CSNK1G3: variants seen among roughly 807,000 people sequenced by gnomAD.
CSNK1G3 encodes the protein casein kinase 1 gamma 3.
In CSNK1G3, 23 loss-of-function variants were observed where a neutral mutation model predicts 64.3. That is an observed-to-expected ratio of 0.36 (90% confidence interval 0.26 to 0.51). The LOEUF is 0.51. Ranked by LOEUF, CSNK1G3 falls within the 20% of genes least tolerant of loss-of-function variation. The probability of loss-of-function intolerance (pLI) is 0.96; values close to 1 mark genes in which losing one functional copy is unlikely to be tolerated. For synonymous variants in CSNK1G3, 158 were observed against 162.2 expected, an observed-to-expected ratio of 0.97 and a Z score of 0.20; for missense variants, 357 against 510.5, an observed-to-expected ratio of 0.70 and a Z score of 2.90.
At chr5:123,523,059 A>G (rs1455848702) in intron 1 of CSNK1G3, among the ~76,000 whole-genome samples, 1 of 152,172 alleles carries the variant, frequency 6.6e-6, no homozygotes, top group Non-Finnish European at 1.5e-5. Flanking sequence ...GGTTATATTT[A>G]TCATATTTAC....
chr5:123,609,323 C>T (rs994219752), intron 12 of CSNK1G3, among the ~76,000 whole-genome samples: 4 of 152,070 alleles, frequency 2.6e-5, no homozygotes, highest in Non-Finnish European at 5.9e-5. Flanking sequence ...TCCTGGGGTT[C>T]AGCAGATTGC....
chr5:123,516,822 G>GT (rs559206308), intron 1 of CSNK1G3, among the ~76,000 whole-genome samples: 12 of 151,802 alleles, frequency 7.9e-5, no homozygotes, highest in African/African-American at 7.2e-5. Flanking sequence ...AAAGTTTAAT[G>GT]TTTTTTTTCT....
At chr5:123,570,950 G>A (rs940554743) in intron 4 of CSNK1G3, among the ~76,000 whole-genome samples, 3 of 152,196 alleles carry the variant, frequency 2.0e-5, no homozygotes, top group Non-Finnish European at 4.4e-5. Context: ...GCTTCTTAAT[G>A]TATATAGCAT....
chr5:123,562,248 A>G lies in CSNK1G3; in HGVS notation c.289+4684A>G, dbSNP rs148418538. Among the ~76,000 whole-genome samples, 915 of 152,200 alleles carry G rather than the reference A, an allele frequency of 6.0e-3. 12 individuals carry two copies. Among genetic ancestry groups the G allele is most frequent in the African/African-American group, 0.02 (844 of 41,550 alleles). ...TCTGACATCTTTTCCTCTCCAGAAA[A>G]TCTTCTTATTTGATCTGATATTTTG... is the stretch of plus-strand genomic sequence containing the variant. On this transcript the variant is annotated intron_variant, in intron 4 of 12. Coordinates refer to ENST00000345990, the Ensembl canonical transcript of CSNK1G3.
chr5:123,553,241 A>G (rs1330238882), intron 3 of CSNK1G3, 94 bp downstream of exon 3: 2 of 627,704 alleles, frequency 3.2e-6, no homozygotes, highest in Non-Finnish European at 5.0e-6. Context: ...CATGTCATTT[A>G]TAATTTGGAT....
At chr5:123,614,732 A>C in exon 13 of CSNK1G3, 1 of 194,796 alleles carries the variant, frequency 5.1e-6, no homozygotes, top group Non-Finnish European at 1.0e-5. Context: ...ACAGTATCTT[A>C]AGTGTCAACC....
At chr5:123,558,508 A>G (rs1460215154) in intron 4 of CSNK1G3, among the ~76,000 whole-genome samples, 2 of 152,200 alleles carry the variant, frequency 1.3e-5, no homozygotes, top group Non-Finnish European at 2.9e-5. Flanking sequence ...GAATTTCTTC[A>G]TGTATCTTTT....
chr5:123,532,990 A>AT (rs1184389535), intron 1 of CSNK1G3, among the ~76,000 whole-genome samples: 9 of 151,956 alleles, frequency 5.9e-5, no homozygotes, highest in Admixed American at 4.6e-4. Flanking sequence ...ACTATGTCAA[A>AT]TTTTTGTATT....
At chr5:123,559,348 A>G (rs1785231576) in intron 4 of CSNK1G3, among the ~76,000 whole-genome samples, 1 of 152,218 alleles carries the variant, frequency 6.6e-6, no homozygotes, top group African/African-American at 2.4e-5. Flanking sequence ...TAGTCAGTTT[A>G]GAGTTTAGCA....
intron 4 of CSNK1G3, among the ~76,000 whole-genome samples, chr5:123,571,252 G>A (rs529981214): frequency 2.9e-4 from 44 of 152,184 alleles, no homozygotes; most frequent in African/African-American, 9.9e-4. Flanking sequence ...TTCCTGCTAT[G>A]ATTACACTAT....
chr5:123,552,297 C>T (rs1783832474), intron 2 of CSNK1G3, among the ~76,000 whole-genome samples: 1 of 151,994 alleles, frequency 6.6e-6, no homozygotes, highest in South Asian at 2.1e-4. Flanking sequence ...AGGCGTGCGC[C>T]ACCATGCCTG....
At chr5:123,576,992 A>G (rs1789288866) in intron 6 of CSNK1G3, among the ~76,000 whole-genome samples, 1 of 152,084 alleles carries the variant, frequency 6.6e-6, no homozygotes, top group Non-Finnish European at 1.5e-5. Context: ...GTCTATATGA[A>G]CTTATTAATT....
rs756002069 is a variant in CSNK1G3 at position 123,553,092 on chromosome 5, T to G, written c.179-15T>G. On this transcript the variant is annotated splice_polypyrimidine_tract_variant and intron_variant, in intron 2 of 12. Transcript: ENST00000345990. ...TCAATTACTGGCAGAATCTGATTTT[T>G]TTTTCTTTTTCAAGGGAAAAATTTA... 1 of 1,344,414 alleles carries G rather than the reference T, an allele frequency of 7.4e-7. No homozygotes were observed. The highest frequency in any genetic ancestry group is 1.0e-6 in the Non-Finnish European group (1 of 991,072). 83.3% of individuals were successfully genotyped at this position (1,344,414 alleles called of 1,614,324 possible). A position where few individuals can be genotyped will look rare whatever the true frequency, so the allele number is the denominator to read the frequency against.
intron 4 of CSNK1G3, among the ~76,000 whole-genome samples, chr5:123,561,360 T>C (rs1210049376): frequency 1.3e-5 from 2 of 152,098 alleles, no homozygotes. Context: ...AGTATAGAGG[T>C]TGACAAGAAA....
At chr5:123,533,095 A>G (rs1780200397) in intron 1 of CSNK1G3, among the ~76,000 whole-genome samples, 1 of 151,850 alleles carries the variant, frequency 6.6e-6, no homozygotes, top group Non-Finnish European at 1.5e-5. Flanking sequence ...AGTTTACTTA[A>G]TCTATTACTT....
At chr5:123,524,521 T>G (rs1017908915) in intron 1 of CSNK1G3, among the ~76,000 whole-genome samples, 15 of 152,312 alleles carry the variant, frequency 9.8e-5, no homozygotes, top group African/African-American at 3.4e-4. Context: ...TTCCTTAATT[T>G]GTTTTTAAGA....
chr5:123,595,192 T>TG, intron 10 of CSNK1G3, 58 bp downstream of exon 11: 1 of 1,453,392 alleles, frequency 6.9e-7, no homozygotes, highest in Non-Finnish European at 9.6e-7. Flanking sequence ...CTAACCCTTT[T>TG]TTTTGGAACT....
chr5:123,518,356 T>C (rs1278067364), intron 1 of CSNK1G3, among the ~76,000 whole-genome samples: 1 of 152,226 alleles, frequency 6.6e-6, no homozygotes, highest in Non-Finnish European at 1.5e-5. Flanking sequence ...TGAATTACAG[T>C]AGATGCTGAA....
chr5:123,556,445 A>G (rs1022798616), intron 3 of CSNK1G3, among the ~76,000 whole-genome samples: 1 of 151,996 alleles, frequency 6.6e-6, no homozygotes, highest in Non-Finnish European at 1.5e-5. Context: ...TGGATTGTCC[A>G]GGTGTCTGAT....
Sources: allele counts gnomAD v4.1 joint callset (sites outside exome capture counted in the v4.1 genomes callset), GRCh38; gene constraint gnomAD v4.1.1; transcripts MANE v1.5; gene names NCBI Gene and HGNC (gene_info 2026-07-23, HGNC 2026-07-21).